The following SUPT3H variants were observed in gnomAD, a reference collection of about 807,000 sequenced individuals.
SUPT3H encodes SPT3 homolog, SAGA and STAGA complex component, also known as transcription initiation protein SPT3 homolog.
A neutral mutation model predicts 44.3 loss-of-function variants in SUPT3H; 44 were observed. That is an observed-to-expected ratio of 0.99 (90% CI 0.78 to 1.28). The LOEUF (loss-of-function observed/expected upper bound fraction) is 1.28, where lower values mean the gene tolerates loss of function less well. Among genes scored for constraint, SUPT3H ranks in the 50% most tolerant of loss-of-function variants. The probability of loss-of-function intolerance (pLI) is 0.00; values close to 1 mark genes in which losing one functional copy is unlikely to be tolerated. For synonymous variants in SUPT3H, 124 were observed against 125.6 expected (o/e 0.99, Z 0.09); for missense variants, 380 against 387.1 (o/e 0.98, Z 0.15).
chr6:44,892,672 A>G lies in SUPT3H; in HGVS notation c.912+39981T>C, dbSNP rs183636713. ...AAAGCTTGAAGACATTCCAGCAACC[A>G]TACTACTGTCAAACCTTTCATTTTA... On this transcript the variant is annotated intron_variant, in intron 10 of 10. Transcript: ENST00000371459. Among the ~76,000 whole-genome samples the G allele has an allele frequency of 7.2e-5, 11 of 152,304 alleles. No individual in the cohort carries two copies. In the East Asian group the frequency reaches 2.1e-3, roughly 29 times the overall value.
At chr6:44,887,462 A>T (rs2461016) in intron 10 of SUPT3H, among the ~76,000 whole-genome samples, 7,175 of 152,192 alleles carry the variant, frequency 0.047, 240 homozygotes, top group South Asian at 0.13. Context: ...GGATTAAGAA[A>T]CTCACTCAAA....
chr6:45,267,434 T>G (rs1390517816), intron 2 of SUPT3H, among the ~76,000 whole-genome samples: 9 of 152,242 alleles, frequency 5.9e-5, no homozygotes, highest in Admixed American at 3.9e-4. Context: ...AGTGCAATGT[T>G]TTTATTGCAA....
chr6:44,867,946 C>A (rs1057137896), intron 10 of SUPT3H, among the ~76,000 whole-genome samples: 3 of 145,292 alleles, frequency 2.1e-5, no homozygotes, highest in Admixed American at 1.5e-4. Context: ...CCCATCCCTA[C>A]CTTCTCAACC....
intron 2 of SUPT3H, among the ~76,000 whole-genome samples, chr6:45,243,680 C>G (rs1770813060): frequency 6.6e-6 from 1 of 152,028 alleles, no homozygotes; most frequent in Non-Finnish European, 1.5e-5. Flanking sequence ...AAGACACTAC[C>G]AAAAATGGTA....
chr6:45,179,576 A>C (rs1388708611), intron 2 of SUPT3H, among the ~76,000 whole-genome samples: 1 of 152,214 alleles, frequency 6.6e-6, no homozygotes, highest in Non-Finnish European at 1.5e-5. Context: ...GGTTCAATAT[A>C]CGCAAATCAA....
At chr6:44,949,846 A>C (rs1774003859) in intron 9 of SUPT3H, among the ~76,000 whole-genome samples, 1 of 152,236 alleles carries the variant, frequency 6.6e-6, no homozygotes, top group Non-Finnish European at 1.5e-5. Context: ...GGAAGTATAA[A>C]ATGGTACAAC....
intron 2 of SUPT3H, among the ~76,000 whole-genome samples, chr6:45,261,730 A>G (rs893449201): frequency 1.3e-5 from 2 of 152,136 alleles, no homozygotes; most frequent in Non-Finnish European, 1.5e-5. Context: ...TCCTAGCCAG[A>G]GCAATCAAGG....
intron 2 of SUPT3H, among the ~76,000 whole-genome samples, chr6:45,298,228 A>G (rs1040661629): frequency 1.3e-5 from 2 of 152,216 alleles, no homozygotes; most frequent in Admixed American, 1.3e-4. Flanking sequence ...GAACACGAAC[A>G]CAGAAGACAG....
At chr6:45,062,474 G>C (rs1792276693) in intron 3 of SUPT3H, among the ~76,000 whole-genome samples, 1 of 152,106 alleles carries the variant, frequency 6.6e-6, no homozygotes, top group Non-Finnish European at 1.5e-5. Flanking sequence ...TGGCCGAATA[G>C]GAACAGCTCC....
intron 6 of SUPT3H, among the ~76,000 whole-genome samples, chr6:44,977,427 T>A (rs570338441): frequency 3.9e-5 from 6 of 152,264 alleles, no homozygotes; most frequent in African/African-American, 1.4e-4. Flanking sequence ...AAACTGAAAC[T>A]TACTGATTCT....
At chr6:44,836,780 T>C (rs1390331369) in intron 10 of SUPT3H, among the ~76,000 whole-genome samples, 1 of 152,174 alleles carries the variant, frequency 6.6e-6, no homozygotes, top group Non-Finnish European at 1.5e-5. Flanking sequence ...CAACATTGTA[T>C]TTTAGGAAAA....
intron 2 of SUPT3H, among the ~76,000 whole-genome samples, chr6:45,128,561 C>CATATATATAT (rs1463089157): frequency 6.6e-5 from 4 of 60,718 alleles, no homozygotes; most frequent in Admixed American, 4.4e-4. Context: ...TATATATACA[C>CATATATATAT]ACACACACAC....
chr6:45,368,155 C>T (rs920505037), intron 1 of SUPT3H, among the ~76,000 whole-genome samples: 1 of 152,138 alleles, frequency 6.6e-6, no homozygotes, highest in African/African-American at 2.4e-5. Context: ...GCAGTTGTTT[C>T]AGCTTTCAAT....
chr6:44,961,871 T>A, intron 6 of SUPT3H, 43 bp from the exon 7 acceptor site: 3 of 1,455,962 alleles, frequency 2.1e-6, no homozygotes, highest in Non-Finnish European at 1.9e-6. Flanking sequence ...GCAAGCAGAT[T>A]ATTATATATG....
chr6:45,224,511 G>T (rs1018346978), intron 2 of SUPT3H, among the ~76,000 whole-genome samples: 1 of 152,076 alleles, frequency 6.6e-6, no homozygotes, highest in African/African-American at 2.4e-5. Flanking sequence ...TTTGACAAAA[G>T]GATGAATAGG....
chr6:45,133,661 T>A (rs1184165586), intron 2 of SUPT3H, among the ~76,000 whole-genome samples: 2 of 152,224 alleles, frequency 1.3e-5, no homozygotes, highest in Non-Finnish European at 2.9e-5. Flanking sequence ...TAAAACAGCA[T>A]GACTCTGTGG....
chr6:44,845,995 C>A (rs1018777146), intron 10 of SUPT3H, among the ~76,000 whole-genome samples: 2 of 152,134 alleles, frequency 1.3e-5, no homozygotes, highest in African/African-American at 2.4e-5. Flanking sequence ...AAAAGAGCAC[C>A]CTGTAACACA....
intron 2 of SUPT3H, among the ~76,000 whole-genome samples, chr6:45,228,457 T>C (rs1767330689): frequency 6.6e-6 from 1 of 151,944 alleles, no homozygotes; most frequent in African/African-American, 2.4e-5. Context: ...ACCTGAAACA[T>C]TGCCTTTTCC....
At chr6:45,269,379 A>C (rs955852081) in intron 2 of SUPT3H, among the ~76,000 whole-genome samples, 1 of 152,222 alleles carries the variant, frequency 6.6e-6, no homozygotes, top group African/African-American at 2.4e-5. Flanking sequence ...TATTTTAGAA[A>C]ACGCTAAAGA....
Sources: gnomAD v4.1 joint callset for allele counts (sites outside exome capture counted in the v4.1 genomes callset) on GRCh38, gnomAD v4.1.1 for gene constraint, MANE v1.5 for transcripts, NCBI Gene and HGNC (gene_info 2026-07-23, HGNC 2026-07-21) for gene names.